Variants in TADA2A observed in about 807,000 individuals in gnomAD.
TADA2A encodes the protein transcriptional adapter 2-alpha.
A neutral mutation model predicts 67.4 loss-of-function variants in TADA2A; 38 were observed. The ratio of observed to expected loss-of-function variants is 0.56; its 90% confidence interval spans 0.44 to 0.74. The LOEUF (loss-of-function observed/expected upper bound fraction) is 0.74. TADA2A is among the 30% of genes least tolerant of loss of function. The pLI is 0.00. For missense variants in TADA2A, 454 were observed against 547.0 expected (o/e 0.83, Z 1.70); for synonymous variants, 192 against 181.6 (o/e 1.06, Z -0.46).
At chr17:37,451,834 A>G (rs2053242315) in intron 8 of TADA2A, among the ~76,000 whole-genome samples, 1 of 151,998 alleles carries the variant, frequency 6.6e-6, no homozygotes, top group Non-Finnish European at 1.5e-5. Context: ...AAATACAAAA[A>G]TTAGCCAGAC....
chr17:37,452,389 C>T lies in TADA2A; in HGVS notation c.605-6135C>T, dbSNP rs376974975. On this transcript the variant is annotated intron_variant, in intron 8 of 15. Coordinates refer to ENST00000615182, the MANE Select transcript of TADA2A (RefSeq NM_001166105.3). ...CTGCACTCCAGCCTGGGAGACAGAG[C>T]GAGACTCCATCTCAAAAAAAAAGAT... is the stretch of plus-strand genomic sequence containing the variant. Among the ~76,000 whole-genome samples, 5 of 152,052 alleles carry T rather than the reference C, an allele frequency of 3.3e-5. No homozygotes were observed. The East Asian group carries it at 5.8e-4, about 18-fold the overall frequency.
chr17:37,408,756 C>T (rs957840332), intron 1 of TADA2A, among the ~76,000 whole-genome samples: 15 of 152,222 alleles, frequency 9.9e-5, no homozygotes, highest in African/African-American at 3.4e-4. Flanking sequence ...TTGATTGCTG[C>T]GTTCGTAATA....
At chr17:37,464,838 CA>C (rs35664546) in intron 10 of TADA2A, among the ~76,000 whole-genome samples, 59,727 of 119,338 alleles carry the variant, frequency 0.5, 14,901 homozygotes, top group East Asian at 0.79. Context: ...GACTCCATCT[CA>C]AAAAAAAAAA....
chr17:37,442,457 C>G, intron 6 of TADA2A, 107 bp from the exon 7 acceptor site: 1 of 844,640 alleles, frequency 1.2e-6, no homozygotes, highest in Non-Finnish European at 1.8e-6. Context: ...TTTCACATTT[C>G]CTTTTATAAA....
rs115559410 is a variant in TADA2A, at chr17:37,420,323, G to A, written c.26-3186G>A. Among the ~76,000 whole-genome samples the A allele has an allele frequency of 7.7e-3, 1,123 of 145,674 alleles. 84 individuals carry two copies. Among genetic ancestry groups the A allele is most frequent in the African/African-American group, 0.026 (1,045 of 40,346 alleles). On this transcript the variant is annotated intron_variant, in intron 2 of 15. Coordinates refer to ENST00000615182, the MANE Select transcript of TADA2A (RefSeq NM_001166105.3). Reference sequence around the variant, plus strand: ...AAAATGGGGGAAATGGAGTAGCTGCGCAGTTTCATATATTGAATTTGAAGC... The same window carrying A: ...AAAATGGGGGAAATGGAGTAGCTGCACAGTTTCATATATTGAATTTGAAGC...
chr17:37,438,429 G>T (rs1952521921), intron 5 of TADA2A, among the ~76,000 whole-genome samples: 1 of 152,172 alleles, frequency 6.6e-6, no homozygotes, highest in African/African-American at 2.4e-5. Context: ...AGATAGCAGA[G>T]GCATTATTGA....
In TADA2A at chr17:37,440,632, A is replaced by G; in HGVS notation, c.412A>G (p.Lys138Glu). Residue 138 changes from lysine to glutamate, a missense_variant, in exon 6 of 16, where the codon AAA becomes GAA. Coordinates refer to ENST00000615182, the MANE Select transcript of TADA2A (RefSeq NM_001166105.3). ...GAACCTGAAACAAGCAGAGGAAGCA[A>G]AAACTGCTGACACAGCCATTCCATT... ...LLNLKQAEEA[K>E]TADTAIPFHS... is the part of the protein sequence containing the mutation. The G allele has an allele frequency of 1.2e-6, 2 of 1,614,210 alleles. No homozygotes were observed. Among genetic ancestry groups the G allele is most frequent in the Non-Finnish European group, 1.7e-6 (2 of 1,180,030 alleles).
intron 8 of TADA2A, chr17:37,454,791 G>T: frequency 3.8e-6 from 1 of 260,220 alleles, no homozygotes; most frequent in South Asian, 5.4e-5. Flanking sequence ...AAGGCTCAAT[G>T]AAAACAAGCT....
chr17:37,422,515 ATTATTATT>A (rs2147923878), intron 2 of TADA2A, among the ~76,000 whole-genome samples: 1 of 124,580 alleles, frequency 8.0e-6, no homozygotes, highest in East Asian at 3.3e-4. Context: ...TATTATTATT[ATTATTATT>A]TGAGGCAGGG....
At chr17:37,416,746 T>A (rs1233507386) in intron 2 of TADA2A, among the ~76,000 whole-genome samples, 1 of 151,906 alleles carries the variant, frequency 6.6e-6, no homozygotes, top group East Asian at 2.0e-4. Context: ...ACACCTATAG[T>A]CCCAACTACT....
At chr17:37,426,777 C>T in intron 3 of TADA2A, 173 bp from the exon 4 acceptor site, 1 of 479,714 alleles carries the variant, frequency 2.1e-6, no homozygotes, top group Non-Finnish European at 3.7e-6. Context: ...CCTAGGAGTT[C>T]AAGGCTGCAG....
intron 8 of TADA2A, among the ~76,000 whole-genome samples, chr17:37,455,213 G>T (rs187989152): frequency 6.6e-6 from 1 of 151,710 alleles, no homozygotes; most frequent in African/African-American, 2.4e-5. Context: ...GAGAAGAAAG[G>T]TTTAATGTAG....
At chr17:37,451,216 G>C (rs977526374) in intron 8 of TADA2A, among the ~76,000 whole-genome samples, 1 of 151,956 alleles carries the variant, frequency 6.6e-6, no homozygotes, top group African/African-American at 2.4e-5. Flanking sequence ...AATTTTTGTA[G>C]AGACAGAATC....
In TADA2A at chr17:37,440,499, C is replaced by G. The variant is rs746281032; in HGVS notation, c.285-6C>G. ...CCACTTCTCTCTTTTTCCCACAATC[C>G]TCTAGGCAGGATGTAGCCAATCAAA... On this transcript the variant is annotated splice_region_variant and splice_polypyrimidine_tract_variant and intron_variant, in intron 5 of 15. Transcript: ENST00000615182. 2 of 1,613,108 alleles carry G rather than the reference C, an allele frequency of 1.2e-6. No individual in the cohort carries two copies. The highest frequency in any genetic ancestry group is 2.2e-5 in the South Asian group (2 of 90,978).
chr17:37,458,705 C>CTGG, intron 9 of TADA2A, 118 bp downstream of exon 9: 1 of 824,310 alleles, frequency 1.2e-6, no homozygotes, highest in Non-Finnish European at 1.8e-6. Flanking sequence ...GAGGCAAGGT[C>CTGG]TCACTCTGTT....
At chr17:37,409,722 G>A (rs2051799705) in intron 1 of TADA2A, among the ~76,000 whole-genome samples, 1 of 151,288 alleles carries the variant, frequency 6.6e-6, no homozygotes, top group Admixed American at 6.6e-5. Context: ...AGCTGAGATC[G>A]TGCCATTGCA....
At chr17:37,410,370 C>T (rs2051826138) in intron 1 of TADA2A, among the ~76,000 whole-genome samples, 1 of 148,488 alleles carries the variant, frequency 6.7e-6, no homozygotes, top group Non-Finnish European at 1.5e-5. Flanking sequence ...GAGATGGGGT[C>T]TCCCTATGTT....
At chr17:37,472,129 G>A (rs1467896539) in intron 14 of TADA2A, among the ~76,000 whole-genome samples, 1 of 151,754 alleles carries the variant, frequency 6.6e-6, no homozygotes, top group Non-Finnish European at 1.5e-5. Context: ...GCAGTGACGC[G>A]ATCTTGGCTC....
intron 4 of TADA2A, among the ~76,000 whole-genome samples, chr17:37,427,724 A>T (rs2052450717): frequency 6.6e-6 from 1 of 152,126 alleles, no homozygotes; most frequent in African/African-American, 2.4e-5. Flanking sequence ...TCACGCCTGT[A>T]ATCCTAGCAC....
Sources: allele counts gnomAD v4.1 joint callset (sites outside exome capture counted in the v4.1 genomes callset), GRCh38; gene constraint gnomAD v4.1.1; transcripts MANE v1.5; gene names NCBI Gene and HGNC (gene_info 2026-07-23, HGNC 2026-07-21).